PRKG1: variants seen among roughly 807,000 people sequenced by gnomAD.
The protein encoded by PRKG1 is protein kinase cGMP-dependent 1.
A neutral mutation model predicts 88.1 loss-of-function variants in PRKG1; 35 were observed. That is an observed-to-expected ratio of 0.40 (90% CI 0.30 to 0.53). PRKG1 has a LOEUF of 0.53. PRKG1 is among the 20% of genes least tolerant of loss of function. The pLI, the probability that PRKG1 is intolerant of heterozygous loss-of-function variation, is 0.59. For missense variants in PRKG1, 540 were observed against 839.8 expected (o/e 0.64, Z 4.41); for synonymous variants, 303 against 292.5 (o/e 1.04, Z -0.37).
intron 2 of PRKG1, among the ~76,000 whole-genome samples, chr10:51,349,357 T>C (rs959097251): frequency 2.6e-5 from 4 of 152,154 alleles, no homozygotes; most frequent in Non-Finnish European, 5.9e-5. Flanking sequence ...TAGGATATTT[T>C]CTTAGACCAA....
chr10:51,530,165 A>G (rs545212765), intron 3 of PRKG1, among the ~76,000 whole-genome samples: 73 of 152,308 alleles, frequency 4.8e-4, no homozygotes, highest in African/African-American at 1.7e-3. Context: ...GTCCAGATAC[A>G]TATTTTCAAG....
intron 2 of PRKG1, among the ~76,000 whole-genome samples, chr10:51,347,620 C>T (rs1327770110): frequency 1.3e-5 from 2 of 152,050 alleles, no homozygotes; most frequent in African/African-American, 4.8e-5. Flanking sequence ...GTCAGATGAA[C>T]TTGTTTACCC....
At position 51,640,822 on chromosome 10, in the gene PRKG1, G is replaced by A. The variant is rs116245626; in HGVS notation, c.593-163763G>A. 5.4e-3 allele frequency among the ~76,000 whole-genome samples: 810 copies of A among 149,956 alleles called. 8 individuals are homozygous for A. The highest frequency in any genetic ancestry group is 0.019 in the African/African-American group (778 of 41,212). On this transcript the variant is annotated intron_variant, in intron 3 of 17. Coordinates refer to ENST00000373980, the MANE Select transcript of PRKG1 (RefSeq NM_006258.4). ...TGCTCTTAGCAAGTAAGCAATAGAT[G>A]TATATGTCTCTTTTTATGTTTGGTC...
intron 7 of PRKG1, among the ~76,000 whole-genome samples, chr10:52,129,397 C>G (rs1837194481): frequency 6.6e-6 from 1 of 152,160 alleles, no homozygotes; most frequent in Non-Finnish European, 1.5e-5. Flanking sequence ...TTGACATTCT[C>G]TCTTTAGAAG....
intron 2 of PRKG1, among the ~76,000 whole-genome samples, chr10:51,323,380 T>C (rs1302399729): frequency 1.3e-5 from 2 of 152,180 alleles, no homozygotes; most frequent in African/African-American, 4.8e-5. Context: ...AGTTCAATAT[T>C]GGATAAAAGT....
intron 3 of PRKG1, among the ~76,000 whole-genome samples, chr10:51,723,719 A>T (rs546656950): frequency 1.3e-5 from 2 of 152,228 alleles, no homozygotes; most frequent in Non-Finnish European, 2.9e-5. Context: ...CAAAATATTT[A>T]ACATAAAAAA....
intron 10 of PRKG1, among the ~76,000 whole-genome samples, chr10:52,269,192 G>T (rs115171489): frequency 6.6e-6 from 1 of 152,064 alleles, no homozygotes; most frequent in Non-Finnish European, 1.5e-5. Flanking sequence ...GAGGGAATAT[G>T]ACTTTACTTC....
At chr10:52,028,546 G>A (rs975324634) in intron 5 of PRKG1, among the ~76,000 whole-genome samples, 4 of 152,156 alleles carry the variant, frequency 2.6e-5, no homozygotes, top group Non-Finnish European at 4.4e-5. Context: ...GAAGGAAAAG[G>A]TTATATCTCA....
intron 2 of PRKG1, among the ~76,000 whole-genome samples, chr10:51,204,249 C>T (rs1319010793): frequency 1.3e-5 from 2 of 152,050 alleles, no homozygotes; most frequent in African/African-American, 4.8e-5. Flanking sequence ...ACTGTTGTTG[C>T]ATCTTTTATT....
intron 2 of PRKG1, among the ~76,000 whole-genome samples, chr10:51,194,935 G>A (rs1323690320): frequency 6.6e-6 from 1 of 152,150 alleles, no homozygotes; most frequent in Non-Finnish European, 1.5e-5. Flanking sequence ...CCACTCATGA[G>A]GGCAGAGTCT....
chr10:52,154,304 A>C (rs557746436), intron 8 of PRKG1, among the ~76,000 whole-genome samples: 3 of 152,292 alleles, frequency 2.0e-5, no homozygotes, highest in Non-Finnish European at 4.4e-5. Flanking sequence ...TATGGATTTG[A>C]CAGTAACAGA....
chr10:51,742,187 G>T (rs1288056427), intron 3 of PRKG1, among the ~76,000 whole-genome samples: 1 of 152,126 alleles, frequency 6.6e-6, no homozygotes, highest in Non-Finnish European at 1.5e-5. Context: ...GAACTCAGAA[G>T]GTGTATTTTA....
chr10:52,116,480 AT>A (rs1847690559), intron 7 of PRKG1, among the ~76,000 whole-genome samples: 2 of 152,158 alleles, frequency 1.3e-5, no homozygotes, highest in Non-Finnish European at 2.9e-5. Context: ...CAGACTAGAG[AT>A]TAAGCCACAG....
chr10:51,814,656 G>A (rs552560015), intron 4 of PRKG1, among the ~76,000 whole-genome samples: 38 of 152,138 alleles, frequency 2.5e-4, no homozygotes, highest in African/African-American at 8.2e-4. Flanking sequence ...ACCATTTTGT[G>A]GTAGCAGATT....
intron 3 of PRKG1, among the ~76,000 whole-genome samples, chr10:51,544,582 G>T (rs1212720841): frequency 6.6e-6 from 1 of 152,006 alleles, no homozygotes; most frequent in Non-Finnish European, 1.5e-5. Context: ...GTAATGGGAT[G>T]GCTGGGTCAA....
intron 10 of PRKG1, among the ~76,000 whole-genome samples, chr10:52,267,581 C>T (rs1195755380): frequency 2.6e-5 from 4 of 151,854 alleles, no homozygotes; most frequent in Admixed American, 6.6e-5. Context: ...TCATTGTTAA[C>T]GTATTGATGA....
chr10:51,204,845 T>C (rs1244685239), intron 2 of PRKG1, among the ~76,000 whole-genome samples: 1 of 152,128 alleles, frequency 6.6e-6, no homozygotes, highest in Non-Finnish European at 1.5e-5. Context: ...TAGATCATTT[T>C]GGGGCCTGAA....
intron 7 of PRKG1, among the ~76,000 whole-genome samples, chr10:52,081,912 T>C (rs1846785514): frequency 6.6e-6 from 1 of 152,136 alleles, no homozygotes; most frequent in African/African-American, 2.4e-5. Context: ...ATATTGTGGA[T>C]AAACTGACCA....
chr10:52,260,655 C>T (rs1037758503), intron 10 of PRKG1, among the ~76,000 whole-genome samples: 1 of 151,838 alleles, frequency 6.6e-6, no homozygotes, highest in Non-Finnish European at 1.5e-5. Context: ...TTTCCTTATA[C>T]AAGGGAGATT....
Sources: gnomAD v4.1 joint callset for allele counts (sites outside exome capture counted in the v4.1 genomes callset) on GRCh38, gnomAD v4.1.1 for gene constraint, MANE v1.5 for transcripts, NCBI Gene and HGNC (gene_info 2026-07-23, HGNC 2026-07-21) for gene names.